TMEM266: variants seen among roughly 807,000 people sequenced by gnomAD.
TMEM266 encodes the protein Hv1 related protein 1.
TMEM266 carries 33 observed loss-of-function variants against 50.5 expected under a neutral mutation model. The ratio of observed to expected loss-of-function variants is 0.65; its 90% CI spans 0.50 to 0.87. TMEM266 has a LOEUF of 0.87. Ranked by LOEUF, TMEM266 falls within the 40% of genes least tolerant of loss-of-function variation. TMEM266 has a pLI of 0.00. For missense variants in TMEM266, 655 were observed against 695.1 expected, an observed-to-expected ratio of 0.94 and a Z score of 0.65; for synonymous variants, 310 against 292.3, an observed-to-expected ratio of 1.06 and a Z score of -0.62.
chr15:76,193,781 TG>T (rs1488368052), intron 9 of TMEM266, among the ~76,000 whole-genome samples: 1 of 152,172 alleles, frequency 6.6e-6, no homozygotes, highest in Non-Finnish European at 1.5e-5. Context: ...CCACCAGCTG[TG>T]GGTTTCACGC....
intron 1 of TMEM266, among the ~76,000 whole-genome samples, chr15:76,112,262 A>G (rs538465177): frequency 1.3e-5 from 2 of 152,370 alleles, no homozygotes; most frequent in South Asian, 4.1e-4. Context: ...AAAGTAAACA[A>G]CACAAAGAGT....
chr15:76,063,608 G>A (rs892481696), intron 1 of TMEM266, among the ~76,000 whole-genome samples: 18 of 151,978 alleles, frequency 1.2e-4, no homozygotes, highest in Admixed American at 4.6e-4. Flanking sequence ...TCCCTGTCTT[G>A]CTTTTATTCG....
intron 9 of TMEM266, among the ~76,000 whole-genome samples, chr15:76,195,066 T>C (rs2038634730): frequency 6.6e-6 from 1 of 152,198 alleles, no homozygotes; most frequent in Non-Finnish European, 1.5e-5. Flanking sequence ...GTACGGTTTC[T>C]GAGTCTCTGC....
At position 76,136,036 on chromosome 15, in the gene TMEM266, C is replaced by T. The variant is rs141144504; in HGVS notation, c.39-1671C>T. On this transcript the variant is annotated intron_variant, in intron 2 of 10. Coordinates refer to ENST00000388942, the MANE Select transcript of TMEM266 (RefSeq NM_152335.3). ...TCAGCTCACTGCAACCTCCATCTCC[C>T]GGGTTCAAGCGATTCTCCTGCCTCA... Among the ~76,000 whole-genome samples the T allele has an allele frequency of 6.6e-3, 1,009 of 152,056 alleles. 9 individuals carry two copies. The highest frequency in any genetic ancestry group is 0.023 in the African/African-American group (971 of 41,474).
At chr15:76,170,547 C>T (rs1254272498) in intron 6 of TMEM266, among the ~76,000 whole-genome samples, 3 of 151,914 alleles carry the variant, frequency 2.0e-5, no homozygotes, top group East Asian at 2.0e-4. Flanking sequence ...AGCCCTGCCC[C>T]GCTGGAGAGT....
At chr15:76,085,608 C>T (rs1189784394) in intron 1 of TMEM266, among the ~76,000 whole-genome samples, 3 of 152,172 alleles carry the variant, frequency 2.0e-5, no homozygotes, top group Non-Finnish European at 2.9e-5. Context: ...AACTCTCACA[C>T]ATGGCTGGTG....
chr15:76,169,238 C>T (rs760612445), intron 5 of TMEM266, among the ~76,000 whole-genome samples: 7 of 152,036 alleles, frequency 4.6e-5, no homozygotes, highest in Non-Finnish European at 7.4e-5. Flanking sequence ...AGTCACAAGG[C>T]CACTCCCAGA....
intron 1 of TMEM266, among the ~76,000 whole-genome samples, chr15:76,103,534 G>A (rs1000888645): frequency 2.3e-4 from 35 of 152,200 alleles, no homozygotes; most frequent in Admixed American, 1.8e-3. Context: ...AAAGGCCATG[G>A]TGGGGCAGAC....
intron 1 of TMEM266, among the ~76,000 whole-genome samples, chr15:76,122,460 C>T (rs902424087): frequency 2.6e-5 from 4 of 152,094 alleles, no homozygotes; most frequent in Non-Finnish European, 4.4e-5. Flanking sequence ...CTTTTTCCCT[C>T]CATTTACCAA....
At chr15:76,126,768 G>A (rs67489755) in intron 1 of TMEM266, among the ~76,000 whole-genome samples, 4,466 of 152,076 alleles carry the variant, frequency 0.029, 99 homozygotes, top group Non-Finnish European at 0.042. Flanking sequence ...ACCTCAGGTA[G>A]TCCACCTGCC....
rs1005563702 is a variant in TMEM266, at chr15:76,139,954, C to G, written c.227+2059C>G. On this transcript the variant is annotated intron_variant, in intron 3 of 10. Transcript: ENST00000388942. This position sits in a 1 kb window ranked among gnomAD's most constrained non-coding sequence, Gnocchi z 4.1. ...TTCAGGGGTCCTGTGCTGTGGTGTA[C>G]CCCTTTCCAGGTATCCCCTGTGTAT... Among the ~76,000 whole-genome samples, 2 of 152,206 alleles carry G rather than the reference C, an allele frequency of 1.3e-5. No homozygotes were observed. The highest frequency in any genetic ancestry group is 2.9e-5 in the Non-Finnish European group (2 of 68,024).
At chr15:76,176,116 G>T in intron 8 of TMEM266, 1 of 164,812 alleles carries the variant, frequency 6.1e-6, no homozygotes, top group Admixed American at 5.9e-5. Context: ...CTACCCTCCA[G>T]GAGATGTGAT....
intron 8 of TMEM266, among the ~76,000 whole-genome samples, chr15:76,179,451 CA>C (rs1291905236): frequency 3.3e-5 from 5 of 152,210 alleles, no homozygotes; most frequent in Non-Finnish European, 7.3e-5. Context: ...ACAGCTAGTC[CA>C]GGGGGGCATA....
intron 1 of TMEM266, among the ~76,000 whole-genome samples, chr15:76,107,822 C>G (rs981648089): frequency 2.6e-5 from 4 of 152,146 alleles, no homozygotes; most frequent in Non-Finnish European, 5.9e-5. Context: ...GAAGTCTACT[C>G]TAGAACCCAC....
intron 1 of TMEM266, among the ~76,000 whole-genome samples, chr15:76,080,644 A>G (rs1378529791): frequency 6.6e-6 from 1 of 152,026 alleles, no homozygotes; most frequent in Admixed American, 6.5e-5. Flanking sequence ...CACTCTACAG[A>G]TGGAGCTAGT....
intron 3 of TMEM266, among the ~76,000 whole-genome samples, chr15:76,151,433 A>G (rs2037841390): frequency 6.6e-6 from 1 of 152,122 alleles, no homozygotes; most frequent in Non-Finnish European, 1.5e-5. Flanking sequence ...CTGCGGCTTC[A>G]GCCCAGCCTC....
At position 76,161,143 on chromosome 15, in the gene TMEM266, A is replaced by C. The variant is rs948300244; in HGVS notation, c.456+975A>C. Among the ~76,000 whole-genome samples the C allele has an allele frequency of 3.9e-5, 6 of 152,168 alleles. No individual in the cohort carries two copies. Among genetic ancestry groups the C allele is most frequent in the Non-Finnish European group, 8.8e-5 (6 of 68,018 alleles). On this transcript the variant is annotated intron_variant, in intron 5 of 10. Coordinates refer to ENST00000388942, the MANE Select transcript of TMEM266 (RefSeq NM_152335.3). The surrounding 1 kb of genome is among the most constrained non-coding windows in gnomAD (Gnocchi z 4.1). ...GGGCCACTGTGTCACTCTACCCTTG[A>C]GTGTCCCATCCCTGCTATGGGTACA...
At chr15:76,090,295 C>T (rs1182918306) in intron 1 of TMEM266, among the ~76,000 whole-genome samples, 2 of 151,772 alleles carry the variant, frequency 1.3e-5, no homozygotes, top group Non-Finnish European at 2.9e-5. Flanking sequence ...AGTTCAAGAC[C>T]AGCCTGGCCA....
chr15:76,100,731 G>A (rs1367258166), intron 1 of TMEM266, among the ~76,000 whole-genome samples: 1 of 152,144 alleles, frequency 6.6e-6, no homozygotes, highest in Non-Finnish European at 1.5e-5. Context: ...AGAAGGAAAT[G>A]GAAAAAGAAA....
Sources: gnomAD v4.1 joint callset for allele counts (sites outside exome capture counted in the v4.1 genomes callset) on GRCh38, gnomAD v4.1.1 for gene constraint, Gnocchi (gnomAD v3.1) non-coding constraint, MANE v1.5 for transcripts, NCBI Gene and HGNC (gene_info 2026-07-23, HGNC 2026-07-21) for gene names.